COL21A1: variants seen among roughly 807,000 people sequenced by gnomAD.
COL21A1 encodes collagen type XXI alpha 1 chain, also known as collagen alpha-1(XXI) chain.
In COL21A1, 149 loss-of-function variants were observed where a neutral mutation model predicts 137.9. The observed-to-expected ratio is 1.08, with a 90% CI of 0.95 to 1.24. The LOEUF (loss-of-function observed/expected upper bound fraction) is 1.24, where lower values mean the gene tolerates loss of function less well. COL21A1 is among the 50% of genes most tolerant of loss of function. The pLI, the probability that COL21A1 is intolerant of heterozygous loss-of-function variation, is 0.00. For synonymous variants in COL21A1, 456 were observed against 391.5 expected, an observed-to-expected ratio of 1.16 and a Z score of -1.95; for missense variants, 1,167 against 1,158.4, an observed-to-expected ratio of 1.01 and a Z score of -0.11.
At chr6:56,359,225 G>C (rs1374516279) in intron 1 of COL21A1, among the ~76,000 whole-genome samples, 1 of 152,108 alleles carries the variant, frequency 6.6e-6, no homozygotes. Flanking sequence ...TACTTATCCA[G>C]TAACCTTAAC....
At chr6:56,334,721 T>A (rs1286280403) in intron 1 of COL21A1, among the ~76,000 whole-genome samples, 3 of 152,144 alleles carry the variant, frequency 2.0e-5, no homozygotes, top group Non-Finnish European at 4.4e-5. Context: ...ATTGCCAGTA[T>A]AACACTATTG....
intron 1 of COL21A1, among the ~76,000 whole-genome samples, chr6:56,219,216 CAAAAAAAAA>C (rs386407160): frequency 3.9e-5 from 3 of 76,486 alleles, no homozygotes; most frequent in African/African-American, 1.1e-4. Context: ...AAACTTGCAC[CAAAAAAAAA>C]AAAAAAAAAA....
intron 1 of COL21A1, among the ~76,000 whole-genome samples, chr6:56,307,990 A>C (rs1422770920): frequency 6.6e-6 from 1 of 152,246 alleles, no homozygotes; most frequent in Non-Finnish European, 1.5e-5. Context: ...ATACAATGAG[A>C]TGCTGTTAAT....
chr6:56,249,086 A>G (rs1237504172), upstream of COL21A1, among the ~76,000 whole-genome samples: 1 of 152,234 alleles, frequency 6.6e-6, no homozygotes, highest in Non-Finnish European at 1.5e-5. Context: ...CGTTTCTCCA[A>G]AGAAGATCTA....
intron 10 of COL21A1, among the ~76,000 whole-genome samples, chr6:56,148,731 T>C (rs1441109984): frequency 2.0e-5 from 3 of 152,194 alleles, no homozygotes; most frequent in Non-Finnish European, 4.4e-5. Context: ...AAGTGTACTC[T>C]GCAAGCCTAA....
Position 56,384,322 on chromosome 6 carries a change from G to A in COL21A1, c.-39+9649C>T, listed in dbSNP as rs78831520. 2.8e-3 allele frequency among the ~76,000 whole-genome samples: 431 copies of A among 152,256 alleles called. 17 individuals are homozygous for A. In the East Asian group the frequency reaches 0.074, roughly 26 times the overall value. On this transcript the variant is annotated intron_variant, in intron 1 of 28. Coordinates refer to the COL21A1 transcript ENST00000370819. ...GCACAGGCCTTGACCATGCAATAGG[G>A]CATGGGTTTTCCTTCTCCCCTTTCA...
At position 56,131,974 on chromosome 6, in the gene COL21A1, A is replaced by G. The variant is rs141859346; in HGVS notation, c.1543-5825T>C. Among the ~76,000 whole-genome samples, 300 of 152,192 alleles carry G rather than the reference A, an allele frequency of 2.0e-3. 2 individuals are homozygous for G. The highest frequency in any genetic ancestry group is 6.7e-3 in the African/African-American group (279 of 41,560). ...TAGAAATAAGGCTAAAAATAAAAGG[A>G]AGAAAAATTATTTTTAAGATTATAC... On this transcript the variant is annotated intron_variant, in intron 12 of 29. Coordinates refer to ENST00000244728, the MANE Select transcript of COL21A1 (RefSeq NM_030820.4).
chr6:56,124,570 T>C (rs895756758), intron 14 of COL21A1, among the ~76,000 whole-genome samples: 2 of 152,248 alleles, frequency 1.3e-5, no homozygotes, highest in African/African-American at 2.4e-5. Context: ...ATTTTAAATA[T>C]TCTTCCCTCA....
chr6:56,349,346 G>GAA lies in COL21A1; in HGVS notation c.-39+44623_-39+44624dup, dbSNP rs60307280. Among the ~76,000 whole-genome samples the GAA allele has an allele frequency of 5.9e-4, 86 of 146,886 alleles. 1 individual carries two copies. The Middle Eastern group carries it at 0.014, about 24-fold the overall frequency. ...CTAAACCATAAAGACCCGCCCCCCT[G>GAA]AAAAAAAAAAAAAATTTAACCACAT... On this transcript the variant is annotated intron_variant, in intron 1 of 28. Coordinates refer to the COL21A1 transcript ENST00000370819.
intron 10 of COL21A1, among the ~76,000 whole-genome samples, chr6:56,154,401 C>G (rs937692618): frequency 2.6e-5 from 4 of 152,326 alleles, no homozygotes; most frequent in Admixed American, 2.0e-4. Context: ...CTGTCTCCCC[C>G]AGTCTTGCCC....
At chr6:56,188,037 A>G (rs1201702540) in intron 1 of COL21A1, among the ~76,000 whole-genome samples, 1 of 152,226 alleles carries the variant, frequency 6.6e-6, no homozygotes, top group East Asian at 1.9e-4. Flanking sequence ...CACATAATAT[A>G]GTACTCATCA....
chr6:56,288,037 G>A (rs1046807678), intron 1 of COL21A1, among the ~76,000 whole-genome samples: 3 of 152,064 alleles, frequency 2.0e-5, no homozygotes, highest in African/African-American at 7.2e-5. Context: ...AGTGAGACCC[G>A]TGAGTGAGTT....
At position 56,276,403 on chromosome 6, in the gene COL21A1, AG is replaced by A; in HGVS notation, c.-38-93748del. On this transcript the variant is annotated intron_variant, in intron 1 of 28. Transcript: ENST00000370819. ...ATAAAAGTTGAAATAATTTTTAAAA[AG>A]GTTTCCTGTTTTGATCTTTTTTTTT... 1.2e-5 allele frequency: 7 copies of A among 562,584 alleles called. No homozygotes were observed. In the South Asian group the frequency reaches 1.6e-4, roughly 13 times the overall value. The allele number at this position is 562,584 out of a possible 1,614,324, so 34.8% of individuals were successfully genotyped here.
chr6:56,328,233 A>T (rs1379367847), intron 1 of COL21A1, among the ~76,000 whole-genome samples: 2 of 152,108 alleles, frequency 1.3e-5, no homozygotes, highest in Non-Finnish European at 2.9e-5. Context: ...AACTATTTTT[A>T]AAATATGAGT....
At chr6:56,374,191 G>A (rs1419233528) in intron 1 of COL21A1, among the ~76,000 whole-genome samples, 2 of 152,148 alleles carry the variant, frequency 1.3e-5, no homozygotes, top group African/African-American at 4.8e-5. Flanking sequence ...AAGGATGATG[G>A]AGCTCATGGA....
chr6:56,336,449 A>G (rs1765331662), intron 1 of COL21A1, among the ~76,000 whole-genome samples: 1 of 152,238 alleles, frequency 6.6e-6, no homozygotes, highest in Admixed American at 6.5e-5. Context: ...TAAATATGGT[A>G]GAACAAAAAC....
At chr6:56,273,887 G>A (rs535255063) in intron 1 of COL21A1, among the ~76,000 whole-genome samples, 134 of 152,180 alleles carry the variant, frequency 8.8e-4, no homozygotes, top group African/African-American at 2.9e-3. Context: ...TATGATGCCA[G>A]CATCAGCATG....
intron 1 of COL21A1, among the ~76,000 whole-genome samples, chr6:56,379,404 T>C (rs1562078972): frequency 6.6e-6 from 1 of 152,156 alleles, no homozygotes. Context: ...CATCTGAAAA[T>C]AGCCTGAGGC....
intron 1 of COL21A1, among the ~76,000 whole-genome samples, chr6:56,364,236 T>C (rs555612701): frequency 6.6e-6 from 1 of 152,114 alleles, no homozygotes; most frequent in African/African-American, 2.4e-5. Flanking sequence ...ACAGTACTAA[T>C]GGATCCTGGC....
Sources: allele counts gnomAD v4.1 joint callset (sites outside exome capture counted in the v4.1 genomes callset), GRCh38; gene constraint gnomAD v4.1.1; transcripts MANE v1.5; gene names NCBI Gene and HGNC (gene_info 2026-07-23, HGNC 2026-07-21).